The following A2ML1 variants were observed in gnomAD, a reference collection of about 807,000 sequenced individuals.
A2ML1 encodes the protein alpha-2-macroglobulin-like protein 1.
In A2ML1, 161 loss-of-function variants were observed where a neutral mutation model predicts 181.9. The ratio of observed to expected loss-of-function variants is 0.89; its 90% CI spans 0.78 to 1.01. The LOEUF (loss-of-function observed/expected upper bound fraction) is 1.01. Ranked by LOEUF, A2ML1 falls within the 50% of genes least tolerant of loss-of-function variation. The pLI, the probability that A2ML1 is intolerant of heterozygous loss-of-function variation, is 0.00. For synonymous variants in A2ML1, 663 were observed against 666.8 expected, an observed-to-expected ratio of 0.99 and a Z score of 0.09; for missense variants, 1,670 against 1,768.1, an observed-to-expected ratio of 0.94 and a Z score of 1.00.
chr12:8,860,945 AG>A lies in A2ML1; in HGVS notation c.3331del (p.Asp1111MetfsTer2). On this transcript the variant is annotated frameshift_variant, in exon 27 of 36. Coordinates refer to ENST00000299698, the MANE Select transcript of A2ML1 (RefSeq NM_144670.6). LOFTEE classifies it high-confidence loss of function. ...YVTAALLEMG[K>X]DVDDPMVSQG... ...ACAGCTGCATTGCTGGAGATGGGAA[AG>A]GATGTAGATGTAAGTTCTCCTGGCT... is the stretch of plus-strand genomic sequence containing the variant. The A allele has an allele frequency of 6.2e-7, 1 of 1,614,086 alleles. No individual in the cohort carries two copies. Among genetic ancestry groups the A allele is most frequent in the African/African-American group, 1.3e-5 (1 of 74,986 alleles).
rs7305259 is a variant in A2ML1 at position 8,838,831 on chromosome 12, C to T, written c.971-282C>T. 0.13 allele frequency among the ~76,000 whole-genome samples: 18,682 copies of T among 148,664 alleles called. 1,357 individuals are homozygous for T. Among genetic ancestry groups the T allele is most frequent in the Non-Finnish European group, 0.17 (11,429 of 67,510 alleles). ...CGGGGAGGCTGAGGCAGGAGAATGG[C>T]GTGAACCCAGGAGGTGGAGCTTGCA... On this transcript the variant is annotated intron_variant, in intron 9 of 35. Transcript: ENST00000299698.
At chr12:8,840,109 T>A (rs1014005984) in intron 10 of A2ML1, among the ~76,000 whole-genome samples, 2 of 152,060 alleles carry the variant, frequency 1.3e-5, no homozygotes, top group Non-Finnish European at 2.9e-5. Flanking sequence ...TCTGCAGTCC[T>A]AGCACTTTGG....
At chr12:8,850,969 C>T (rs1036207103) in intron 18 of A2ML1, among the ~76,000 whole-genome samples, 1 of 152,080 alleles carries the variant, frequency 6.6e-6, no homozygotes, top group African/African-American at 2.4e-5. Context: ...GAACTCCTGG[C>T]CTCAAGTGAT....
At position 8,836,383 on chromosome 12, in the gene A2ML1, C is replaced by T. The variant is rs763298807; in HGVS notation, c.728+44C>T. On this transcript the variant is annotated intron_variant, in intron 7 of 35. Transcript: ENST00000299698. ...GATCTGGTGGAGATTAAAGATGCAT[C>T]GAGAGACATGATGAGGGGATGACAT... The T allele has an allele frequency of 9.8e-6, 15 of 1,534,828 alleles. No individual in the cohort carries two copies. In the African/African-American group the frequency reaches 1.4e-4, roughly 14 times the overall value.
At chr12:8,825,838 A>G (rs749130098) in intron 3 of A2ML1, among the ~76,000 whole-genome samples, 4 of 152,318 alleles carry the variant, frequency 2.6e-5, no homozygotes, top group Non-Finnish European at 5.9e-5. Context: ...TCCCAGAACC[A>G]TTTATTGAAG....
At chr12:8,836,147 C>G in intron 6 of A2ML1, 108 bp from the exon 7 acceptor site, 2 of 828,514 alleles carry the variant, frequency 2.4e-6, no homozygotes, top group Non-Finnish European at 4.0e-6. Flanking sequence ...ATGCCTCCTT[C>G]ATTAGATCCA....
At chr12:8,829,408 A>C (rs1943038348) in intron 3 of A2ML1, among the ~76,000 whole-genome samples, 1 of 152,210 alleles carries the variant, frequency 6.6e-6, no homozygotes, top group South Asian at 2.1e-4. Context: ...CACGCCTATA[A>C]TCCCAGCACT....
chr12:8,834,611 C>T (rs1943213222), intron 4 of A2ML1, 51 bp from the exon 5 acceptor site: 3 of 1,605,342 alleles, frequency 1.9e-6, no homozygotes, highest in Non-Finnish European at 2.6e-6. Flanking sequence ...CAAACTTATT[C>T]TTATTGCTGT....
chr12:8,845,516 C>A lies in A2ML1; in HGVS notation c.1537+14C>A, dbSNP rs1161178354. ...CTAAGAAGAAAGGTGAGTGTACATGCTTTTCCCGGAAGCAAACAGGATATT... is the reference window on the plus strand; with the variant it reads ...CTAAGAAGAAAGGTGAGTGTACATGATTTTCCCGGAAGCAAACAGGATATT... On this transcript the variant is annotated intron_variant, in intron 13 of 35. Transcript: ENST00000299698. 1 of 1,613,914 alleles carries A rather than the reference C, an allele frequency of 6.2e-7. No individual in the cohort carries two copies. The highest frequency in any genetic ancestry group is 8.5e-7 in the Non-Finnish European group (1 of 1,179,854).
intron 28 of A2ML1, among the ~76,000 whole-genome samples, chr12:8,861,876 C>T (rs1286287486): frequency 3.3e-5 from 5 of 152,180 alleles, no homozygotes; most frequent in African/African-American, 1.2e-4. Flanking sequence ...TCTCCTGCCT[C>T]AGCCTCCCGA....
At chr12:8,842,377 C>G (rs956856052) in intron 11 of A2ML1, among the ~76,000 whole-genome samples, 22 of 142,670 alleles carry the variant, frequency 1.5e-4, no homozygotes, top group Admixed American at 7.6e-5. Flanking sequence ...TGCCACCACG[C>G]CCGGCTAATT....
chr12:8,830,196 C>T (rs956079615), intron 4 of A2ML1, among the ~76,000 whole-genome samples: 1 of 152,058 alleles, frequency 6.6e-6, no homozygotes, highest in Admixed American at 6.6e-5. Flanking sequence ...GAATTACAGG[C>T]GCGCACCATC....
intron 33 of A2ML1, among the ~76,000 whole-genome samples, chr12:8,872,016 A>G (rs1944641017): frequency 6.6e-6 from 1 of 152,026 alleles, no homozygotes; most frequent in Non-Finnish European, 1.5e-5. Flanking sequence ...CGTCTGTACT[A>G]AAGGTACAAA....
intron 10 of A2ML1, among the ~76,000 whole-genome samples, chr12:8,840,049 C>T (rs1177046942): frequency 1.3e-5 from 2 of 152,210 alleles, no homozygotes; most frequent in South Asian, 2.1e-4. Context: ...GCCTGACTAG[C>T]AATTTTCTTT....
At chr12:8,850,641 G>A (rs1169923750) in intron 18 of A2ML1, among the ~76,000 whole-genome samples, 1 of 152,226 alleles carries the variant, frequency 6.6e-6, no homozygotes, top group Admixed American at 6.5e-5. Context: ...TGTAGAGCCT[G>A]TAGAAAACTC....
intron 33 of A2ML1, 42 bp downstream of exon 33, chr12:8,869,245 G>C (rs765121860): frequency 1.3e-6 from 2 of 1,588,718 alleles, no homozygotes; most frequent in Admixed American, 3.3e-5. Flanking sequence ...GATTGCTTAC[G>C]GATCTTCATG....
chr12:8,836,480 C>A, intron 7 of A2ML1, 141 bp downstream of exon 7: 1 of 528,480 alleles, frequency 1.9e-6, no homozygotes, highest in Non-Finnish European at 3.2e-6. Context: ...TTATCCAAGA[C>A]CTTTTTTTTT....
At position 8,841,414 on chromosome 12, in the gene A2ML1, G is replaced by C; in HGVS notation, c.1126G>C (p.Val376Leu). 1.2e-6 allele frequency: 2 copies of C among 1,614,092 alleles called. No homozygotes were observed. Among genetic ancestry groups the C allele is most frequent in the Non-Finnish European group, 8.5e-7 (1 of 1,180,024 alleles). ...TGACTCCTTCCTCAAGAACCATCTA[G>C]TGTTTCTGGTGATTTATGGCACAAA... The part of the protein sequence containing the change: ...HDDSFLKNHL[V>L]FLVIYGTNGT... Residue 376 changes from valine to leucine, a missense_variant, in exon 11 of 36, where the codon GTG (valine) becomes CTG (leucine). By Grantham distance (32) the Val-to-Leu change is conservative. Coordinates refer to ENST00000299698, the MANE Select transcript of A2ML1 (RefSeq NM_144670.6).
intron 3 of A2ML1, among the ~76,000 whole-genome samples, chr12:8,828,935 A>G (rs2377598): frequency 0.85 from 129,158 of 151,744 alleles, 55,117 homozygotes; most frequent in East Asian, 1. Flanking sequence ...GCAGCATTGC[A>G]TTCTAAAGCC....
Sources: allele counts gnomAD v4.1 joint callset (sites outside exome capture counted in the v4.1 genomes callset), GRCh38; gene constraint gnomAD v4.1.1; transcripts MANE v1.5; gene names NCBI Gene and HGNC (gene_info 2026-07-23, HGNC 2026-07-21).